ZNF407: variants seen among roughly 807,000 people sequenced by gnomAD.
ZNF407 encodes zinc finger protein 407.
In ZNF407, 17 loss-of-function variants were observed where a neutral mutation model predicts 131.2. That is an observed-to-expected ratio of 0.13 (90% CI 0.09 to 0.19). ZNF407 has a LOEUF of 0.19. ZNF407 is among the 10% of genes least tolerant of loss of function. ZNF407 has a pLI of 1.00. For missense variants in ZNF407, 2,681 were observed against 2,830.6 expected (o/e 0.95, Z 1.20); for synonymous variants, 1,156 against 1,062.0 (o/e 1.09, Z -1.72).
intron 8 of ZNF407, among the ~76,000 whole-genome samples, chr18:75,057,739 A>G (rs1973577118): frequency 6.6e-6 from 1 of 152,100 alleles, no homozygotes; most frequent in African/African-American, 2.4e-5. Flanking sequence ...TGTAGAGCAC[A>G]GAAAATGCCA....
At chr18:74,919,166 C>T (rs373778582) in intron 7 of ZNF407, among the ~76,000 whole-genome samples, 1 of 152,176 alleles carries the variant, frequency 6.6e-6, no homozygotes, top group Non-Finnish European at 1.5e-5. Context: ...TTCCTATACT[C>T]CTCTCGTCAG....
chr18:74,871,015 A>G (rs1010997820), intron 4 of ZNF407, among the ~76,000 whole-genome samples: 4 of 152,232 alleles, frequency 2.6e-5, no homozygotes, highest in Non-Finnish European at 5.9e-5. Context: ...TACTTTAAGT[A>G]TCTCACAATT....
intron 8 of ZNF407, among the ~76,000 whole-genome samples, chr18:74,943,492 T>G (rs975452000): frequency 6.6e-6 from 1 of 152,194 alleles, no homozygotes; most frequent in South Asian, 2.1e-4. Context: ...CCATAAGGCG[T>G]AGAAATGCAT....
chr18:74,834,159 G>GT (rs1970524022), intron 4 of ZNF407, among the ~76,000 whole-genome samples: 1 of 152,176 alleles, frequency 6.6e-6, no homozygotes, highest in African/African-American at 2.4e-5. Context: ...TAACCCTTAT[G>GT]TGGCGCAGAT....
At chr18:74,678,694 T>A (rs1966909879) in intron 3 of ZNF407, among the ~76,000 whole-genome samples, 1 of 152,198 alleles carries the variant, frequency 6.6e-6, no homozygotes, top group African/African-American at 2.4e-5. Context: ...CGAGGGTTGG[T>A]CCAAATTGCC....
intron 3 of ZNF407, among the ~76,000 whole-genome samples, chr18:74,662,958 G>A (rs181109568): frequency 2.6e-5 from 4 of 152,328 alleles, no homozygotes; most frequent in Admixed American, 2.6e-4. Context: ...AATTGCAACT[G>A]TATTTCTGTA....
intron 1 of ZNF407, among the ~76,000 whole-genome samples, chr18:74,630,642 G>GT (rs199821072): frequency 3.0e-4 from 45 of 149,334 alleles, no homozygotes; most frequent in Non-Finnish European, 4.5e-4. Context: ...TTCTCTTTTT[G>GT]TTTTTTTTTT....
At chr18:74,884,399 G>A (rs886760445) in intron 6 of ZNF407, among the ~76,000 whole-genome samples, 2 of 152,136 alleles carry the variant, frequency 1.3e-5, no homozygotes, top group African/African-American at 4.8e-5. Context: ...ACTGATTGAT[G>A]AGTTACAAAT....
intron 3 of ZNF407, among the ~76,000 whole-genome samples, chr18:74,731,731 A>T (rs923858053): frequency 1.3e-5 from 2 of 152,140 alleles, no homozygotes; most frequent in Non-Finnish European, 2.9e-5. Flanking sequence ...TAACAGAGTC[A>T]TAGAGGAGTG....
At chr18:75,052,510 C>T (rs1056603427) in intron 8 of ZNF407, among the ~76,000 whole-genome samples, 3 of 152,168 alleles carry the variant, frequency 2.0e-5, no homozygotes, top group Non-Finnish European at 4.4e-5. Flanking sequence ...AGGCCTGTAG[C>T]TTTATTTTTG....
chr18:74,923,042 GCA>G (rs1308712644), intron 8 of ZNF407, among the ~76,000 whole-genome samples: 1 of 152,158 alleles, frequency 6.6e-6, no homozygotes, highest in Non-Finnish European at 1.5e-5. Context: ...ATAAATGGTT[GCA>G]CAGTTTGTTT....
intron 4 of ZNF407, among the ~76,000 whole-genome samples, chr18:74,821,605 A>G (rs1970341575): frequency 1.3e-5 from 2 of 152,048 alleles, no homozygotes; most frequent in African/African-American, 4.8e-5. Flanking sequence ...TGAACTCATC[A>G]TTTTTTATGG....
intron 1 of ZNF407, among the ~76,000 whole-genome samples, chr18:74,599,584 G>A (rs533711831): frequency 6.6e-6 from 1 of 152,234 alleles, no homozygotes; most frequent in South Asian, 2.1e-4. Flanking sequence ...TGGAAGTTAC[G>A]GCTGATTGAT....
chr18:74,628,218 A>G (rs191094003), intron 1 of ZNF407, among the ~76,000 whole-genome samples: 1 of 152,180 alleles, frequency 6.6e-6, no homozygotes, highest in African/African-American at 2.4e-5. Flanking sequence ...ATTTTCAAAT[A>G]CTTTTATATT....
intron 8 of ZNF407, among the ~76,000 whole-genome samples, chr18:74,958,082 G>A (rs766951191): frequency 6.6e-6 from 1 of 152,190 alleles, no homozygotes; most frequent in Non-Finnish European, 1.5e-5. Flanking sequence ...CACTTACACT[G>A]TGAAGTGGTC....
intron 8 of ZNF407, among the ~76,000 whole-genome samples, chr18:75,011,027 G>A (rs1972968363): frequency 1.3e-5 from 2 of 152,154 alleles, no homozygotes; most frequent in South Asian, 4.1e-4. Context: ...AGTAGGAAGG[G>A]TGGTGGGAAC....
At chr18:74,780,351 C>T (rs1969574523) in intron 3 of ZNF407, among the ~76,000 whole-genome samples, 1 of 152,142 alleles carries the variant, frequency 6.6e-6, no homozygotes. Flanking sequence ...CAAGTCTTTT[C>T]TGCAAGGATA....
At chr18:74,933,822 T>A (rs1475620777) in intron 8 of ZNF407, among the ~76,000 whole-genome samples, 2 of 152,234 alleles carry the variant, frequency 1.3e-5, no homozygotes, top group African/African-American at 4.8e-5. Flanking sequence ...GTGTTTGAAA[T>A]ATATCCATTT....
intron 4 of ZNF407, among the ~76,000 whole-genome samples, chr18:74,829,048 C>T (rs1178230155): frequency 6.6e-6 from 1 of 152,182 alleles, no homozygotes; most frequent in Non-Finnish European, 1.5e-5. Flanking sequence ...TTAAAAATCA[C>T]ATTTTCAAAG....
Sources: allele counts gnomAD v4.1 joint callset (sites outside exome capture counted in the v4.1 genomes callset), GRCh38; gene constraint gnomAD v4.1.1; transcripts MANE v1.5; gene names NCBI Gene and HGNC (gene_info 2026-07-23, HGNC 2026-07-21).